Variants in NIPAL2 observed in about 807,000 individuals in gnomAD.
NIPAL2 encodes the protein NIPA-like protein 2.
A neutral mutation model predicts 48.9 loss-of-function variants in NIPAL2; 43 were observed. The observed-to-expected ratio is 0.88, with a 90% confidence interval of 0.69 to 1.13. The LOEUF (loss-of-function observed/expected upper bound fraction) is 1.13, where lower values mean the gene tolerates loss of function less well. Among genes scored for constraint, NIPAL2 ranks in the 50% most tolerant of loss-of-function variants. NIPAL2 has a pLI of 0.00. For missense variants in NIPAL2, 446 were observed against 461.4 expected, an observed-to-expected ratio of 0.97 and a Z score of 0.31; for synonymous variants, 167 against 174.6, an observed-to-expected ratio of 0.96 and a Z score of 0.34.
chr8:98,207,387 TGG>T (rs1241844479), intron 6 of NIPAL2, among the ~76,000 whole-genome samples: 1 of 152,220 alleles, frequency 6.6e-6, no homozygotes, highest in African/African-American at 2.4e-5. Context: ...ATTTCTAGGC[TGG>T]TGTTGAGTAC....
chr8:98,274,243 A>T (rs1284829332), intron 1 of NIPAL2, among the ~76,000 whole-genome samples: 1 of 151,872 alleles, frequency 6.6e-6, no homozygotes, highest in Non-Finnish European at 1.5e-5. Flanking sequence ...TATTCTACAT[A>T]TTCTATCATC....
In NIPAL2 at chr8:98,292,768, T is replaced by C. The variant is rs116963022; in HGVS notation, c.135+1235A>G. 2.8e-3 allele frequency among the ~76,000 whole-genome samples: 422 copies of C among 151,538 alleles called. 3 individuals are homozygous for C. The highest frequency in any genetic ancestry group is 0.014 in the Middle Eastern group (4 of 294). On this transcript the variant is annotated intron_variant, in intron 1 of 10. Coordinates refer to ENST00000430223, the MANE Select transcript of NIPAL2 (RefSeq NM_001321635.2). ...AATCAAGAGGGGATAGATAACTCAT[T>C]CTTAAACTTATATTGGGAATACTTC...
intron 1 of NIPAL2, among the ~76,000 whole-genome samples, chr8:98,292,429 T>C (rs1816534027): frequency 6.6e-6 from 1 of 152,244 alleles, no homozygotes; most frequent in South Asian, 2.1e-4. Flanking sequence ...ATGGCAAAAC[T>C]TGATACAGTT....
chr8:98,197,004 T>C lies in NIPAL2; in HGVS notation c.881-999A>G, dbSNP rs183081604. ...ACTTCCTTATAATCATTTTAATGTT[T>C]TCATGTTATTTTAAACGATATACCA... is the stretch of plus-strand genomic sequence containing the variant. On this transcript the variant is annotated intron_variant, in intron 8 of 10. Transcript: ENST00000430223. 2.9e-3 allele frequency among the ~76,000 whole-genome samples: 445 copies of C among 152,332 alleles called. 9 individuals carry two copies. In the South Asian group the frequency reaches 0.036, roughly 12 times the overall value.
intron 1 of NIPAL2, among the ~76,000 whole-genome samples, chr8:98,288,284 T>C (rs1030001623): frequency 6.7e-6 from 1 of 148,312 alleles, no homozygotes; most frequent in African/African-American, 2.5e-5. Flanking sequence ...AGTGAGAATA[T>C]GTGGTGTTTG....
intron 1 of NIPAL2, among the ~76,000 whole-genome samples, chr8:98,264,973 G>A (rs1474475079): frequency 1.4e-4 from 20 of 146,666 alleles, no homozygotes; most frequent in East Asian, 8.1e-4. Context: ...CAGAAATAAC[G>A]CCACATATCT....
At chr8:98,234,086 T>C (rs964464959) in intron 4 of NIPAL2, among the ~76,000 whole-genome samples, 1 of 152,178 alleles carries the variant, frequency 6.6e-6, no homozygotes, top group Non-Finnish European at 1.5e-5. Flanking sequence ...GGGAGGATGT[T>C]AGAGGGATCT....
At chr8:98,212,290 G>C in intron 6 of NIPAL2, 115 bp downstream of exon 6, 1 of 546,538 alleles carries the variant, frequency 1.8e-6, no homozygotes, top group Non-Finnish European at 3.2e-6. Context: ...ATAGATCAGA[G>C]CTGAAAAATA....
intron 8 of NIPAL2, 85 bp downstream of exon 8, chr8:98,203,023 T>C: frequency 9.2e-7 from 1 of 1,081,206 alleles, no homozygotes; most frequent in Middle Eastern, 2.0e-4. Flanking sequence ...CCTTACAACC[T>C]AAAGATTTCT....
chr8:98,204,664 C>G lies in NIPAL2; in HGVS notation c.791+447G>C, dbSNP rs144486887. ...ATGCAAAATTTTGGGGAAAGGATTT[C>G]CCTCCCGGCCAAATGTCTGGTTTCG... On this transcript the variant is annotated intron_variant, in intron 7 of 10. Coordinates refer to ENST00000430223, the MANE Select transcript of NIPAL2 (RefSeq NM_001321635.2). Among the ~76,000 whole-genome samples the G allele has an allele frequency of 3.0e-3, 463 of 152,094 alleles. 2 individuals are homozygous for G. Among genetic ancestry groups the G allele is most frequent in the Non-Finnish European group, 4.3e-3 (290 of 67,982 alleles).
chr8:98,264,550 A>T (rs1814584274), intron 1 of NIPAL2, among the ~76,000 whole-genome samples: 1 of 151,224 alleles, frequency 6.6e-6, no homozygotes, highest in African/African-American at 2.4e-5. Flanking sequence ...AGAGAATAAA[A>T]TACCTAGGAA....
chr8:98,252,567 C>A lies in NIPAL2; in HGVS notation c.272G>T (p.Trp91Leu), dbSNP rs1460850184. Residue 91 changes from tryptophan to leucine, a missense_variant, in exon 3 of 11, where the codon TGG (tryptophan) becomes TTG (leucine). Trp to Leu is a moderately conservative substitution (Grantham distance 61, BLOSUM62 -2). Transcript: ENST00000430223. ...CACGGCCATCAGCAGGACACCACCC[C>A]ACCACAGCACACTCTTGAAGTATGG... ...PRPYFKSVLW[W>L]GGVLLMAVGE... is the part of the protein sequence containing the mutation. The A allele has an allele frequency of 1.2e-6, 2 of 1,614,088 alleles. No individual in the cohort carries two copies. Among genetic ancestry groups the A allele is most frequent in the South Asian group, 2.2e-5 (2 of 91,070 alleles).
chr8:98,259,155 C>T (rs1293485246), intron 1 of NIPAL2, among the ~76,000 whole-genome samples: 1 of 140,680 alleles, frequency 7.1e-6, no homozygotes, highest in Non-Finnish European at 1.5e-5. Flanking sequence ...CGACTCACTG[C>T]AAGCTCCGCC....
intron 4 of NIPAL2, among the ~76,000 whole-genome samples, chr8:98,232,294 A>G (rs1401265543): frequency 6.6e-6 from 1 of 152,200 alleles, no homozygotes; most frequent in Admixed American, 6.5e-5. Context: ...ATGGTATGAA[A>G]TAAATGTGAC....
At chr8:98,216,796 A>G (rs1411011365) in intron 5 of NIPAL2, among the ~76,000 whole-genome samples, 1 of 152,236 alleles carries the variant, frequency 6.6e-6, no homozygotes, top group Non-Finnish European at 1.5e-5. Flanking sequence ...CCTGCCAAAG[A>G]ACATGAAGTA....
chr8:98,255,520 T>C (rs9773446), intron 1 of NIPAL2, among the ~76,000 whole-genome samples: 1,993 of 152,308 alleles, frequency 0.013, 53 homozygotes, highest in African/African-American at 0.046. Context: ...GACTCAAGTA[T>C]AGCATGAAAT....
Position 98,194,750 on chromosome 8 carries a change from A to G in NIPAL2, c.1017T>C (p.Tyr339=), listed in dbSNP as rs550692549. 8.3e-6 allele frequency: 13 copies of G among 1,568,856 alleles called. No individual in the cohort carries two copies. The highest frequency in any genetic ancestry group is 1.1e-5 in the Non-Finnish European group (13 of 1,162,360). The stretch of plus-strand genomic sequence containing the variant: ...TACCAGGAATATTTCCAAAATCAAT[A>G]TAAGACTGTTGCAGATGTTCCTTTT... ...NREKEHLQQS[Y]IDFGNIPGKQ... Residue 339 remains tyrosine (Y), a synonymous_variant, in exon 10 of 11, where the codon TAT becomes TAC. Coordinates refer to ENST00000430223, the MANE Select transcript of NIPAL2 (RefSeq NM_001321635.2).
At chr8:98,193,481 C>G in intron 10 of NIPAL2, 1 of 1,459,832 alleles carries the variant, frequency 6.9e-7, no homozygotes. Context: ...TCTAAAGCTA[C>G]TACGGAGCCT....
intron 3 of NIPAL2, among the ~76,000 whole-genome samples, chr8:98,239,151 G>A (rs1214655127): frequency 6.6e-6 from 1 of 152,152 alleles, no homozygotes; most frequent in Non-Finnish European, 1.5e-5. Context: ...TTGCTTACAT[G>A]GAATGAGATT....
Sources: allele counts gnomAD v4.1 joint callset (sites outside exome capture counted in the v4.1 genomes callset), GRCh38; gene constraint gnomAD v4.1.1; transcripts MANE v1.5; gene names NCBI Gene and HGNC (gene_info 2026-07-23, HGNC 2026-07-21).